Variants in PIEZO2 observed in about 807,000 individuals in gnomAD.
The protein encoded by PIEZO2 is piezo type mechanosensitive ion channel component 2.
PIEZO2 carries 172 observed loss-of-function variants against 337.3 expected under a neutral mutation model. The ratio of observed to expected loss-of-function variants is 0.51; its 90% confidence interval spans 0.45 to 0.58. PIEZO2 has a LOEUF of 0.58. Among genes scored for constraint, PIEZO2 ranks in the 20% least tolerant of loss-of-function variants. The pLI is 0.00. For synonymous variants in PIEZO2, 1,251 were observed against 1,228.5 expected (o/e 1.02, Z -0.38); for missense variants, 3,028 against 3,391.3 (o/e 0.89, Z 2.66).
rs1190635216 is a variant in PIEZO2 at position 11,031,874 on chromosome 18, T to C, written c.160+34253A>G. Reference sequence around the variant, plus strand: ...GTGTATTTTAATATTTTATAATCCATTTGGCTGCTGAATATTAGCCCAACC... The same window carrying C: ...GTGTATTTTAATATTTTATAATCCACTTGGCTGCTGAATATTAGCCCAACC... On this transcript the variant is annotated intron_variant, in intron 2 of 55. Coordinates refer to ENST00000674853, the MANE Select transcript of PIEZO2 (RefSeq NM_001378183.1). This position sits in a 1 kb window ranked among gnomAD's most constrained non-coding sequence, Gnocchi z 4.7. Among the ~76,000 whole-genome samples the C allele has an allele frequency of 6.6e-6, 1 of 152,206 alleles. No homozygotes were observed. The highest frequency in any genetic ancestry group is 2.4e-5 in the African/African-American group (1 of 41,444).
chr18:10,972,571 A>G (rs2034284164), intron 3 of PIEZO2, among the ~76,000 whole-genome samples: 1 of 152,196 alleles, frequency 6.6e-6, no homozygotes, highest in Admixed American at 6.5e-5. Context: ...CCTTCCATCC[A>G]GTGCCATTTA....
At chr18:11,086,725 T>C (rs1363286646) in intron 1 of PIEZO2, among the ~76,000 whole-genome samples, 2 of 150,270 alleles carry the variant, frequency 1.3e-5, no homozygotes, top group African/African-American at 2.5e-5. Flanking sequence ...CAAACTTTCT[T>C]ACAATAAAAA....
At chr18:11,060,628 C>T (rs1479581682) in intron 2 of PIEZO2, among the ~76,000 whole-genome samples, 2 of 152,178 alleles carry the variant, frequency 1.3e-5, no homozygotes, top group Non-Finnish European at 2.9e-5. Flanking sequence ...ACTATAAACA[C>T]CTCTATGCAA....
chr18:10,773,532 C>T lies in PIEZO2; in HGVS notation c.2665G>A (p.Glu889Lys). Reference protein sequence around the residue: ...PEVRKLAEPGEEKLEGYSEKA... With the variant: ...PEVRKLAEPGKEKLEGYSEKA... ...TCAGAGTAGCCCTCAAGCTTCTCCT[C>T]CCCAGGCTCAGCCAACTTCCTCACC... The change falls in exon 20 of 56, where the codon GAG becomes AAG. Residue 889 changes from glutamate to lysine, a missense_variant. Coordinates refer to ENST00000674853, the MANE Select transcript of PIEZO2 (RefSeq NM_001378183.1). The surrounding 1 kb of genome is among the most constrained non-coding windows in gnomAD (Gnocchi z 5.3). 6.5e-7 allele frequency: 1 copy of T among 1,537,454 alleles called. No homozygotes were observed. The highest frequency in any genetic ancestry group is 1.2e-5 in the South Asian group (1 of 84,066).
Position 10,863,002 on chromosome 18 carries a change from CT to C in PIEZO2, c.493-5792del, listed in dbSNP as rs1455926240. 6.6e-6 allele frequency among the ~76,000 whole-genome samples: 1 copy of C among 152,144 alleles called. No individual in the cohort carries two copies. The highest frequency in any genetic ancestry group is 2.4e-5 in the African/African-American group (1 of 41,426). ...TTCATGCAGCTGAATCCATTTTTTTCTCTTCTTCATGGTTAAAACCAAGCTT... is the reference window on the plus strand; with the variant it reads ...TTCATGCAGCTGAATCCATTTTTTTCCTTCTTCATGGTTAAAACCAAGCTT... On this transcript the variant is annotated intron_variant, in intron 5 of 55. Transcript: ENST00000674853. This position sits in a 1 kb window ranked among gnomAD's most constrained non-coding sequence, Gnocchi z 4.3.
chr18:11,040,963 A>C (rs1329225429), intron 2 of PIEZO2, among the ~76,000 whole-genome samples: 1 of 152,214 alleles, frequency 6.6e-6, no homozygotes, highest in African/African-American at 2.4e-5. Flanking sequence ...GAATGGTCCG[A>C]AAGTCCTTGA....
chr18:10,920,098 G>A (rs978456040), intron 3 of PIEZO2, among the ~76,000 whole-genome samples: 2 of 152,072 alleles, frequency 1.3e-5, no homozygotes, highest in Non-Finnish European at 2.9e-5. Context: ...CACAAGATTC[G>A]CACTAACTAG....
In PIEZO2 at chr18:10,815,069, C is replaced by T. The variant is rs1362418230; in HGVS notation, c.918-7795G>A. Among the ~76,000 whole-genome samples the T allele has an allele frequency of 6.6e-6, 1 of 152,164 alleles. No homozygotes were observed. Among genetic ancestry groups the T allele is most frequent in the East Asian group, 1.9e-4 (1 of 5,198 alleles). On this transcript the variant is annotated intron_variant, in intron 7 of 55. Transcript: ENST00000674853. This position sits in a 1 kb window ranked among gnomAD's most constrained non-coding sequence, Gnocchi z 4.1. ...ACTAATTGTGGGGAAAATGGCCAGGCACTAAAAATAATTAACTTTTCTTTT... is the reference window on the plus strand; with the variant it reads ...ACTAATTGTGGGGAAAATGGCCAGGTACTAAAAATAATTAACTTTTCTTTT...
At position 10,845,200 on chromosome 18, in the gene PIEZO2, G is replaced by A. The variant is rs573958249; in HGVS notation, c.917+10153C>T. 7.2e-3 allele frequency among the ~76,000 whole-genome samples: 1,073 copies of A among 149,204 alleles called. 12 individuals are homozygous for A. The highest frequency in any genetic ancestry group is 0.022 in the African/African-American group (876 of 40,304). On this transcript the variant is annotated intron_variant, in intron 7 of 55. Coordinates refer to ENST00000674853, the MANE Select transcript of PIEZO2 (RefSeq NM_001378183.1). The stretch of plus-strand genomic sequence containing the variant: ...AATTTTTCCCATTGTGTGTGTGTGT[G>A]TATATATATATATAAACACACACAC...
intron 2 of PIEZO2, among the ~76,000 whole-genome samples, chr18:11,046,445 G>C (rs2037318605): frequency 6.6e-6 from 1 of 152,162 alleles, no homozygotes; most frequent in Non-Finnish European, 1.5e-5. Context: ...GGATAAATAA[G>C]TAATCAATCC....
At position 10,982,865 on chromosome 18, in the gene PIEZO2, C is replaced by T. The variant is rs564887834; in HGVS notation, c.161-3205G>A. Reference sequence around the variant, plus strand: ...CCTTCTGAGTAGCTGGCATTACAGGCGTGCACTACCAAACCTGACTAATTT... The same window carrying T: ...CCTTCTGAGTAGCTGGCATTACAGGTGTGCACTACCAAACCTGACTAATTT... On this transcript the variant is annotated intron_variant, in intron 2 of 55. Coordinates refer to ENST00000674853, the MANE Select transcript of PIEZO2 (RefSeq NM_001378183.1). This position sits in a 1 kb window ranked among gnomAD's most constrained non-coding sequence, Gnocchi z 4.1. 9.2e-5 allele frequency among the ~76,000 whole-genome samples: 14 copies of T among 152,068 alleles called. No homozygotes were observed. The highest frequency in any genetic ancestry group is 3.1e-4 in the African/African-American group (13 of 41,484).
intron 9 of PIEZO2, among the ~76,000 whole-genome samples, chr18:10,801,858 A>G (rs544628276): frequency 6.6e-6 from 1 of 152,244 alleles, no homozygotes; most frequent in South Asian, 2.1e-4. Context: ...AGTCCAAGGC[A>G]GGCAGATCAC....
intron 3 of PIEZO2, among the ~76,000 whole-genome samples, chr18:10,965,965 T>G (rs973245969): frequency 6.6e-6 from 1 of 152,218 alleles, no homozygotes; most frequent in Non-Finnish European, 1.5e-5. Flanking sequence ...TAAAATAATG[T>G]CTGGTACAGA....
intron 1 of PIEZO2, among the ~76,000 whole-genome samples, chr18:11,086,943 C>T (rs1244641484): frequency 6.6e-6 from 1 of 152,140 alleles, no homozygotes; most frequent in Non-Finnish European, 1.5e-5. Context: ...TTGGCCAAAT[C>T]CACCTGCTAT....
At position 10,855,338 on chromosome 18, in the gene PIEZO2, A is replaced by G; in HGVS notation, c.917+15T>C. ...GGACAACCTCTCCTGGAAATGCCATAAGGATTTCTCTTACCTTGCATAGTA... is the reference window on the plus strand; with the variant it reads ...GGACAACCTCTCCTGGAAATGCCATGAGGATTTCTCTTACCTTGCATAGTA... On this transcript the variant is annotated intron_variant, in intron 7 of 55. Transcript: ENST00000674853. This position sits in a 1 kb window ranked among gnomAD's most constrained non-coding sequence, Gnocchi z 4.9. 3.9e-6 allele frequency: 6 copies of G among 1,520,616 alleles called. No individual in the cohort carries two copies. Among genetic ancestry groups the G allele is most frequent in the Non-Finnish European group, 5.3e-6 (6 of 1,131,910 alleles). The allele number at this position is 1,520,616 out of a possible 1,614,324, so 94.2% of individuals were successfully genotyped here.
chr18:10,699,872 G>T (rs537188250), intron 43 of PIEZO2, among the ~76,000 whole-genome samples: 15 of 152,150 alleles, frequency 9.9e-5, no homozygotes, highest in Non-Finnish European at 1.9e-4. Context: ...CCACGCATTT[G>T]CTTCCTAAGA....
intron 2 of PIEZO2, among the ~76,000 whole-genome samples, chr18:11,034,335 G>T (rs1353232938): frequency 6.7e-6 from 1 of 149,460 alleles, no homozygotes; most frequent in Non-Finnish European, 1.5e-5. Flanking sequence ...TAGCTCTGTC[G>T]CCCAGGCTGG....
At chr18:10,884,402 G>A (rs550869577) in intron 4 of PIEZO2, among the ~76,000 whole-genome samples, 7 of 152,216 alleles carry the variant, frequency 4.6e-5, no homozygotes, top group Non-Finnish European at 8.8e-5. Context: ...GGGATATTCC[G>A]TCCTCCTCCA....
rs77114925 is a variant in PIEZO2, at chr18:11,043,145, T to C, written c.160+22982A>G. On this transcript the variant is annotated intron_variant, in intron 2 of 55. Coordinates refer to ENST00000674853, the MANE Select transcript of PIEZO2 (RefSeq NM_001378183.1). ...AGAGTAGATCAACTTTTGCATTAAA[T>C]TGAAGACTGGAGTCTACAAATGCTT... Among the ~76,000 whole-genome samples, 360 of 152,196 alleles carry C rather than the reference T, an allele frequency of 2.4e-3. 2 individuals are homozygous for C. The highest frequency in any genetic ancestry group is 7.8e-3 in the African/African-American group (323 of 41,500).
Sources: allele counts gnomAD v4.1 joint callset (sites outside exome capture counted in the v4.1 genomes callset), GRCh38; gene constraint gnomAD v4.1.1; non-coding constraint Gnocchi (gnomAD v3.1); transcripts MANE v1.5; gene names NCBI Gene and HGNC (gene_info 2026-07-23, HGNC 2026-07-21).